The following NSD3 variants were observed in gnomAD, a reference collection of about 807,000 sequenced individuals.
NSD3 encodes the protein nuclear receptor binding SET domain protein 3, also known as histone-lysine N-methyltransferase NSD3.
In NSD3, 24 loss-of-function variants were observed where a neutral mutation model predicts 160.8. That is an observed-to-expected ratio of 0.15 (90% confidence interval 0.11 to 0.21). The LOEUF is 0.21. Among genes scored for constraint, NSD3 ranks in the 10% least tolerant of loss-of-function variants. The probability of loss-of-function intolerance (pLI) is 1.00; values close to 1 mark genes in which losing one functional copy is unlikely to be tolerated. For synonymous variants in NSD3, 520 were observed against 600.0 expected (o/e 0.87, Z 1.95); for missense variants, 1,157 against 1,735.9 (o/e 0.67, Z 5.93).
chr8:38,361,380 T>C (rs895877382), intron 1 of NSD3, among the ~76,000 whole-genome samples: 1 of 152,056 alleles, frequency 6.6e-6, no homozygotes, highest in African/African-American at 2.4e-5. Context: ...GCCGCCTGCC[T>C]TGGCCTCCCA....
chr8:38,369,468 A>G (rs1811184457), intron 1 of NSD3, among the ~76,000 whole-genome samples: 1 of 152,252 alleles, frequency 6.6e-6, no homozygotes, highest in African/African-American at 2.4e-5. Context: ...TTGATGTTCA[A>G]CTTTTAACTT....
intron 22 of NSD3, among the ~76,000 whole-genome samples, chr8:38,277,268 T>A (rs1808623784): frequency 6.6e-6 from 1 of 151,862 alleles, no homozygotes; most frequent in Non-Finnish European, 1.5e-5. Flanking sequence ...TAGGGTGCTT[T>A]TTATTATTTT....
chr8:38,351,415 A>G (rs1451857591), intron 1 of NSD3, among the ~76,000 whole-genome samples: 2 of 151,266 alleles, frequency 1.3e-5, no homozygotes, highest in Non-Finnish European at 3.0e-5. Flanking sequence ...CTGTAATCCC[A>G]GCACTTTGGG....
Position 38,281,475 on chromosome 8 carries a change from C to A in NSD3, c.3610G>T (p.Val1204Phe). The A allele has an allele frequency of 6.8e-7, 1 of 1,460,074 alleles. No individual in the cohort carries two copies. Among genetic ancestry groups the A allele is most frequent in the Non-Finnish European group, 9.1e-7 (1 of 1,096,916 alleles). 90.4% of individuals were successfully genotyped at this position (1,460,074 alleles called of 1,614,324 possible). Residue 1204 changes from valine (V) to phenylalanine (F), a missense_variant, in exon 20 of 24, where the codon GTT becomes TTT. By Grantham distance (50) the Val-to-Phe change is conservative (BLOSUM62 -1). Coordinates refer to ENST00000317025, the MANE Select transcript of NSD3 (RefSeq NM_023034.2). Reference protein sequence around the residue: ...NSVTNFYMLTVTKDRIIDAGP... With the variant: ...NSVTNFYMLTFTKDRIIDAGP... ...AAAAAAAGCAATTTTACCTTGGTAA[C>A]AGTTAACATATAAAAATTAGTTACA...
At chr8:38,309,577 T>A (rs1809485921) in intron 12 of NSD3, among the ~76,000 whole-genome samples, 1 of 152,016 alleles carries the variant, frequency 6.6e-6, no homozygotes, top group Admixed American at 6.6e-5. Context: ...CACCTGAGCC[T>A]GGGAGGTCAA....
At chr8:38,369,394 T>C (rs1397980832) in intron 1 of NSD3, among the ~76,000 whole-genome samples, 1 of 152,214 alleles carries the variant, frequency 6.6e-6, no homozygotes, top group Non-Finnish European at 1.5e-5. Flanking sequence ...TGAACCAGCA[T>C]GAATTCTCTC....
chr8:38,299,572 T>C lies in NSD3; in HGVS notation c.2630A>G (p.His877Arg). ...ATATGAACTGAACATGGGGTCTGAA[T>C]GGTCCTGAACTATCAGCCCTATACG... ...VCARGLIVQD[H>R]SDPMFSSYAY... The change falls in exon 15 of 24, where the codon CAT becomes CGT. Residue 877 changes from histidine to arginine, a missense_variant. Physicochemically the swap from His to Arg is conservative, Grantham distance 29 (BLOSUM62 0). Transcript: ENST00000317025. 2 of 1,611,632 alleles carry C rather than the reference T, an allele frequency of 1.2e-6. No homozygotes were observed. The highest frequency in any genetic ancestry group is 1.7e-6 in the Non-Finnish European group (2 of 1,179,054).
chr8:38,341,705 A>T (rs951368692), intron 2 of NSD3, among the ~76,000 whole-genome samples: 3 of 152,252 alleles, frequency 2.0e-5, no homozygotes, highest in African/African-American at 7.2e-5. Flanking sequence ...TAATCCCAGG[A>T]CTTTGAGAGG....
Position 38,316,090 on chromosome 8 carries a change from G to C in NSD3, c.1856-48C>G. 1.3e-6 allele frequency: 2 copies of C among 1,591,810 alleles called. No homozygotes were observed. Among genetic ancestry groups the C allele is most frequent in the Non-Finnish European group, 1.7e-6 (2 of 1,169,968 alleles). ...AATCCTAAAATAGTACTTAAGGTTT[G>C]TTTTAATTTTTTTGTGTGTGGGAGA... On this transcript the variant is annotated intron_variant, in intron 9 of 23. Coordinates refer to ENST00000317025, the MANE Select transcript of NSD3 (RefSeq NM_023034.2). This position sits in a 1 kb window ranked among gnomAD's most constrained non-coding sequence, Gnocchi z 4.5.
intron 22 of NSD3, among the ~76,000 whole-genome samples, chr8:38,277,389 T>C (rs1808627735): frequency 6.6e-6 from 1 of 152,248 alleles, no homozygotes; most frequent in African/African-American, 2.4e-5. Flanking sequence ...GCGATTCTTC[T>C]GCCTCAGCTT....
At position 38,315,978 on chromosome 8, in the gene NSD3, T is replaced by C; in HGVS notation, c.1920A>G (p.Val640=). Residue 640 remains valine (V), a synonymous_variant, in exon 10 of 24, where the codon GTA becomes GTG. Coordinates refer to ENST00000317025, the MANE Select transcript of NSD3 (RefSeq NM_023034.2). ...LKKRSRASTD[V]EMTSSAYRDT... ...CTCTGTATGCTGAACTAGTCATTTCTACATCAGTTGAGGCGCGACTCCTTT... is the reference window on the plus strand; with the variant it reads ...CTCTGTATGCTGAACTAGTCATTTCCACATCAGTTGAGGCGCGACTCCTTT... 6.2e-7 allele frequency: 1 copy of C among 1,613,718 alleles called. No homozygotes were observed. The highest frequency in any genetic ancestry group is 8.5e-7 in the Non-Finnish European group (1 of 1,180,006).
At chr8:38,350,034 C>T (rs1315695138) in intron 1 of NSD3, among the ~76,000 whole-genome samples, 1 of 152,108 alleles carries the variant, frequency 6.6e-6, no homozygotes, top group Non-Finnish European at 1.5e-5. Flanking sequence ...TTTATGGCTG[C>T]ATAGTATTCC....
chr8:38,311,818 T>C (rs1434476478), intron 12 of NSD3, among the ~76,000 whole-genome samples: 1 of 152,244 alleles, frequency 6.6e-6, no homozygotes, highest in Non-Finnish European at 1.5e-5. Flanking sequence ...TTTTTCCTTT[T>C]GTTGCCTGTG....
At chr8:38,304,878 T>C in intron 13 of NSD3, 121 bp from the exon 14 acceptor site, 1 of 1,063,348 alleles carries the variant, frequency 9.4e-7, no homozygotes, top group Non-Finnish European at 1.3e-6. Flanking sequence ...TGGAAAGCAT[T>C]TTTTTCTTCC....
chr8:38,325,255 T>C (rs894008341), intron 7 of NSD3, among the ~76,000 whole-genome samples: 2 of 152,150 alleles, frequency 1.3e-5, no homozygotes, highest in Non-Finnish European at 2.9e-5. Context: ...AATTGAATCA[T>C]AGGACACCCA....
At chr8:38,370,175 A>G (rs1811209154) in intron 1 of NSD3, among the ~76,000 whole-genome samples, 1 of 152,182 alleles carries the variant, frequency 6.6e-6, no homozygotes, top group East Asian at 1.9e-4. Flanking sequence ...GGGAAGGTCA[A>G]TTAGAACAAA....
intron 4 of NSD3, 97 bp from the exon 5 acceptor site, chr8:38,331,682 C>T (rs1402801789): frequency 1.6e-6 from 2 of 1,251,872 alleles, no homozygotes; most frequent in East Asian, 4.7e-5. Context: ...CAGTATTACT[C>T]CCACTAAAAC....
chr8:38,340,667 A>G (rs1810340696), intron 2 of NSD3, among the ~76,000 whole-genome samples: 1 of 152,074 alleles, frequency 6.6e-6, no homozygotes. Context: ...TAGGAAAATG[A>G]TATGTTCTAT....
rs780717749 is a variant in NSD3 at position 38,304,669 on chromosome 8, G to A, written c.2529C>T (p.Tyr843=). The A allele has an allele frequency of 1.9e-6, 3 of 1,614,122 alleles. No homozygotes were observed. Among genetic ancestry groups the A allele is most frequent in the Non-Finnish European group, 2.5e-6 (3 of 1,180,012 alleles). ...IAAGSMLVSS[Y]ILICSNHSKR... is the part of the protein sequence containing the mutation. ...TGGAATGATTACTACAGATGAGAAT[G>A]TAGGAGGATACTAACATGCTTCCGG... The change falls in exon 14 of 24, where the codon TAC becomes TAT. Residue 843 remains tyrosine (Y), a synonymous_variant. Coordinates refer to ENST00000317025, the MANE Select transcript of NSD3 (RefSeq NM_023034.2).
Sources: allele counts gnomAD v4.1 joint callset (sites outside exome capture counted in the v4.1 genomes callset), GRCh38; gene constraint gnomAD v4.1.1; non-coding constraint Gnocchi (gnomAD v3.1); transcripts MANE v1.5; gene names NCBI Gene and HGNC (gene_info 2026-07-23, HGNC 2026-07-21).